The following LRRC7 variants were observed in gnomAD, a reference collection of about 807,000 sequenced individuals.
LRRC7 encodes leucine-rich repeat-containing protein 7.
In LRRC7, 23 loss-of-function variants were observed where a neutral mutation model predicts 175.7. The observed-to-expected ratio is 0.13, with a 90% CI of 0.09 to 0.19. The LOEUF is 0.19. Ranked by LOEUF, LRRC7 falls within the 10% of genes least tolerant of loss-of-function variation. The probability of loss-of-function intolerance (pLI) is 1.00; values close to 1 mark genes in which losing one functional copy is unlikely to be tolerated. For synonymous variants in LRRC7, 685 were observed against 680.9 expected (o/e 1.01, Z -0.09); for missense variants, 1,354 against 1,904.7 (o/e 0.71, Z 5.38).
chr1:69,658,373 C>T (rs534243254), intron 1 of LRRC7, among the ~76,000 whole-genome samples: 27 of 152,040 alleles, frequency 1.8e-4, no homozygotes, highest in African/African-American at 5.3e-4. Flanking sequence ...CTGAAAGTAC[C>T]TTTCCATAAA....
intron 2 of LRRC7, among the ~76,000 whole-genome samples, chr1:69,735,363 C>A (rs1667996727): frequency 2.6e-5 from 4 of 152,076 alleles, no homozygotes. Flanking sequence ...AAAGTCTTCT[C>A]CAGTCATCTT....
chr1:69,991,680 C>T (rs567917918), intron 10 of LRRC7, among the ~76,000 whole-genome samples: 5 of 152,036 alleles, frequency 3.3e-5, no homozygotes, highest in Admixed American at 6.6e-5. Context: ...ATTGGACTAC[C>T]GACATTTAAA....
At chr1:69,581,692 C>G (rs1282334751) in intron 1 of LRRC7, among the ~76,000 whole-genome samples, 1 of 152,102 alleles carries the variant, frequency 6.6e-6, no homozygotes, top group Non-Finnish European at 1.5e-5. Context: ...ATTAAAGCCT[C>G]TTTTTAAGAA....
chr1:69,915,058 C>T (rs1646645414), intron 7 of LRRC7, among the ~76,000 whole-genome samples: 1 of 152,196 alleles, frequency 6.6e-6, no homozygotes. Context: ...TGTGTCAGCA[C>T]TGTCACTAAT....
At position 70,007,575 on chromosome 1, in the gene LRRC7, A is replaced by G. The variant is rs533760834; in HGVS notation, c.1005-4222A>G. On this transcript the variant is annotated intron_variant, in intron 11 of 26. Coordinates refer to ENST00000651989, the MANE Select transcript of LRRC7 (RefSeq NM_001370785.2). Reference sequence around the variant, plus strand: ...TTAGAAACACTGAGAATTAAGGCTTATTTTAATTTAAAAAACATATCAGGG... The same window carrying G: ...TTAGAAACACTGAGAATTAAGGCTTGTTTTAATTTAAAAAACATATCAGGG... Among the ~76,000 whole-genome samples, 5 of 152,238 alleles carry G rather than the reference A, an allele frequency of 3.3e-5. No homozygotes were observed. In the South Asian group the frequency reaches 6.2e-4, roughly 19 times the overall value.
At chr1:69,729,161 G>A (rs1667291161) in intron 2 of LRRC7, among the ~76,000 whole-genome samples, 1 of 151,974 alleles carries the variant, frequency 6.6e-6, no homozygotes, top group Non-Finnish European at 1.5e-5. Context: ...AAAACATGTG[G>A]GGATTATGGG....
intron 23 of LRRC7, among the ~76,000 whole-genome samples, chr1:70,064,097 AGT>A (rs1661786511): frequency 6.6e-6 from 1 of 152,010 alleles, no homozygotes; most frequent in Non-Finnish European, 1.5e-5. Context: ...AAATTACTGC[AGT>A]GTGCCACCAG....
chr1:69,982,002 C>T (rs1653486777), intron 9 of LRRC7, among the ~76,000 whole-genome samples: 1 of 152,168 alleles, frequency 6.6e-6, no homozygotes, highest in Non-Finnish European at 1.5e-5. Context: ...AAACCAGCGC[C>T]AGAGGCTGCT....
At chr1:70,078,399 G>T (rs1221843529) in intron 24 of LRRC7, among the ~76,000 whole-genome samples, 3 of 152,054 alleles carry the variant, frequency 2.0e-5, no homozygotes, top group Non-Finnish European at 4.4e-5. Flanking sequence ...CACCTTCAAT[G>T]ACATCATATT....
At chr1:69,713,307 G>A (rs1619769) in intron 2 of LRRC7, among the ~76,000 whole-genome samples, 66,185 of 151,430 alleles carry the variant, frequency 0.44, 14,722 homozygotes, top group Admixed American at 0.5. Context: ...GAAGCATAGT[G>A]AGACTTGGTC....
intron 25 of LRRC7, among the ~76,000 whole-genome samples, chr1:70,098,569 G>A (rs1305318022): frequency 7.3e-5 from 11 of 151,218 alleles, no homozygotes; most frequent in South Asian, 6.3e-4. Context: ...TTGATAGACC[G>A]CTAGCAAGAC....
At chr1:69,910,886 C>T (rs1570615108) in intron 7 of LRRC7, among the ~76,000 whole-genome samples, 1 of 152,236 alleles carries the variant, frequency 6.6e-6, no homozygotes, top group Non-Finnish European at 1.5e-5. Context: ...TTTGCCTAAT[C>T]AAGCCTGGGC....
Position 69,718,094 on chromosome 1 carries a change from G to GA in LRRC7, c.100+39617dup, listed in dbSNP as rs1368313789. Among the ~76,000 whole-genome samples the GA allele has an allele frequency of 2.2e-3, 171 of 77,504 alleles. 1 individual carries two copies. Among genetic ancestry groups the GA allele is most frequent in the African/African-American group, 0.01 (165 of 16,126 alleles). 50.8% of individuals were successfully genotyped at this position (77,504 alleles called of 152,430 possible). The stretch of plus-strand genomic sequence containing the variant: ...GAAAGAGAAGAGAGAGAAAAAGAAA[G>GA]AGAAGAAAGAGAGAAAAAGAAAGAA... On this transcript the variant is annotated intron_variant, in intron 2 of 26. Coordinates refer to ENST00000651989, the MANE Select transcript of LRRC7 (RefSeq NM_001370785.2).
intron 7 of LRRC7, among the ~76,000 whole-genome samples, chr1:69,845,371 G>T (rs959257373): frequency 6.6e-6 from 1 of 151,978 alleles, no homozygotes; most frequent in Non-Finnish European, 1.5e-5. Flanking sequence ...GGCAATAAAT[G>T]CTACATATTT....
intron 1 of LRRC7, among the ~76,000 whole-genome samples, chr1:69,652,761 T>G (rs910529841): frequency 2.1e-4 from 32 of 151,936 alleles, no homozygotes; most frequent in African/African-American, 7.5e-4. Flanking sequence ...AACTACAGTA[T>G]TAAAACATTA....
intron 2 of LRRC7, among the ~76,000 whole-genome samples, chr1:69,689,388 A>G (rs148946517): frequency 2.6e-5 from 4 of 152,316 alleles, no homozygotes; most frequent in African/African-American, 9.6e-5. Flanking sequence ...CTATCTGCCT[A>G]TACCATGCTA....
chr1:69,974,242 A>T (rs1240802921), intron 8 of LRRC7, among the ~76,000 whole-genome samples: 1 of 152,074 alleles, frequency 6.6e-6, no homozygotes, highest in Non-Finnish European at 1.5e-5. Context: ...TTACTTTTTC[A>T]TCATTTACCT....
intron 4 of LRRC7, among the ~76,000 whole-genome samples, chr1:69,799,017 G>A (rs1340941042): frequency 6.7e-6 from 1 of 149,724 alleles, no homozygotes; most frequent in Non-Finnish European, 1.5e-5. Flanking sequence ...TTTCTTTACA[G>A]TTGTCTCTTT....
intron 26 of LRRC7, among the ~76,000 whole-genome samples, chr1:70,111,228 T>C (rs965726807): frequency 6.6e-6 from 1 of 152,238 alleles, no homozygotes; most frequent in Admixed American, 6.5e-5. Context: ...TAATTCTTTA[T>C]ACCATCCACT....
Sources: allele counts gnomAD v4.1 joint callset (sites outside exome capture counted in the v4.1 genomes callset), GRCh38; gene constraint gnomAD v4.1.1; transcripts MANE v1.5; gene names NCBI Gene and HGNC (gene_info 2026-07-23, HGNC 2026-07-21).